The following COL4A2 variants were observed in gnomAD, a reference collection of about 807,000 sequenced individuals.
COL4A2 encodes collagen alpha-2(IV) chain.
In COL4A2, 99 loss-of-function variants were observed where a neutral mutation model predicts 200.2. The observed-to-expected ratio is 0.49, with a 90% confidence interval of 0.42 to 0.58. The LOEUF (loss-of-function observed/expected upper bound fraction) is 0.58, where lower values mean the gene tolerates loss of function less well. Among genes scored for constraint, COL4A2 ranks in the 20% least tolerant of loss-of-function variants. The pLI, the probability that COL4A2 is intolerant of heterozygous loss-of-function variation, is 0.00. For synonymous variants in COL4A2, 897 were observed against 900.6 expected (o/e 1.00, Z 0.07); for missense variants, 1,950 against 2,314.1 (o/e 0.84, Z 3.23).
chr13:110,316,989 A>G (rs1885146724), intron 3 of COL4A2, among the ~76,000 whole-genome samples: 1 of 152,142 alleles, frequency 6.6e-6, no homozygotes, highest in Admixed American at 6.6e-5. Flanking sequence ...ACACACATAC[A>G]TATGCACCCT....
intron 11 of COL4A2, among the ~76,000 whole-genome samples, chr13:110,432,924 G>C (rs1420991636): frequency 2.6e-5 from 4 of 152,258 alleles, no homozygotes; most frequent in Admixed American, 2.6e-4. Flanking sequence ...AAACTCGGAG[G>C]ACAGAACTAG....
intron 30 of COL4A2, 26 bp downstream of exon 30, chr13:110,478,190 G>C (rs371116345): frequency 7.8e-6 from 12 of 1,535,358 alleles, no homozygotes; most frequent in Non-Finnish European, 1.1e-5. Context: ...TCCCATAAAC[G>C]AGTGGGGTCC....
rs764883197 is a variant in COL4A2, at chr13:110,465,539, C to T, written c.1911C>T (p.Asp637=). The T allele has an allele frequency of 1.2e-5, 19 of 1,613,864 alleles. No individual in the cohort carries two copies. Among genetic ancestry groups the T allele is most frequent in the East Asian group, 2.2e-5 (1 of 44,888 alleles). ...GLKGQRGFPG[D]AGLPGPPGFL... is the part of the protein sequence containing the mutation. ...AAGGCCAACGTGGTTTCCCTGGAGA[C>T]GCCGGCTTACCTGGACCACCAGGCT... is the stretch of plus-strand genomic sequence containing the variant. The change falls in exon 25 of 48, where the codon GAC becomes GAT. Residue 637 remains aspartate (D), a synonymous_variant. Transcript: ENST00000360467.
intron 4 of COL4A2, among the ~76,000 whole-genome samples, chr13:110,394,000 T>G (rs1156274252): frequency 1.3e-5 from 2 of 152,196 alleles, no homozygotes; most frequent in African/African-American, 4.8e-5. Context: ...CCATACCCCC[T>G]GCCACTATAT....
chr13:110,378,792 G>A (rs1878346272), intron 4 of COL4A2, among the ~76,000 whole-genome samples: 1 of 152,162 alleles, frequency 6.6e-6, no homozygotes, highest in Non-Finnish European at 1.5e-5. Context: ...AATGTTCCCA[G>A]TCTGACCTAG....
intron 16 of COL4A2, among the ~76,000 whole-genome samples, chr13:110,440,415 T>C (rs527877290): frequency 2.0e-5 from 3 of 152,148 alleles, no homozygotes; most frequent in South Asian, 2.1e-4. Flanking sequence ...CTGACCAACA[T>C]GGTGAAACCC....
At position 110,501,802 on chromosome 13, in the gene COL4A2, A is replaced by T; in HGVS notation, c.3877+18A>T. 1 of 1,609,486 alleles carries T rather than the reference A, an allele frequency of 6.2e-7. No homozygotes were observed. The highest frequency in any genetic ancestry group is 8.5e-7 in the Non-Finnish European group (1 of 1,176,822). On this transcript the variant is annotated intron_variant, in intron 41 of 47. Coordinates refer to ENST00000360467, the MANE Select transcript of COL4A2 (RefSeq NM_001846.4). ...CCTGAAAGGTAAGCAGGACTTATAC[A>T]TCTGTGCTTCGACATCTCTAGGGGC...
rs559469510 is a variant in COL4A2 at position 110,403,256 on chromosome 13, T to A, written c.181-21478T>A. On this transcript the variant is annotated intron_variant, in intron 4 of 47. Coordinates refer to ENST00000360467, the MANE Select transcript of COL4A2 (RefSeq NM_001846.4). The stretch of plus-strand genomic sequence containing the variant: ...AAGAATTTTCTAAATCTTTCAGTTC[T>A]GCTCTCTGTTTCTTGATAAATTCCA... Among the ~76,000 whole-genome samples the A allele has an allele frequency of 2.6e-5, 4 of 152,382 alleles. No homozygotes were observed. The East Asian group carries it at 7.7e-4, about 29-fold the overall frequency.
chr13:110,472,887 A>G (rs1295907070), intron 28 of COL4A2, 42 bp from the exon 29 acceptor site: 3 of 1,530,348 alleles, frequency 2.0e-6, no homozygotes, highest in East Asian at 4.9e-5. Flanking sequence ...GAACGTCACC[A>G]TGCTAACTTG....
intron 3 of COL4A2, among the ~76,000 whole-genome samples, chr13:110,349,921 G>A (rs1304887725): frequency 6.6e-6 from 1 of 152,002 alleles, no homozygotes; most frequent in Admixed American, 6.6e-5. Flanking sequence ...GAGCCACCAT[G>A]TCCAGCTAAT....
intron 30 of COL4A2, among the ~76,000 whole-genome samples, chr13:110,479,325 C>T (rs1487911052): frequency 5.6e-5 from 2 of 35,416 alleles, no homozygotes; most frequent in Non-Finnish European, 1.2e-4. Context: ...GCCACGCGGT[C>T]CCCGGTGACC....
intron 15 of COL4A2, 140 bp downstream of exon 15, chr13:110,438,808 C>CT: frequency 5.0e-6 from 3 of 603,684 alleles, no homozygotes; most frequent in South Asian, 1.8e-5. Context: ...CCCCACCCCC[C>CT]CCCACACACA....
chr13:110,387,255 TA>T (rs139018080), intron 4 of COL4A2, among the ~76,000 whole-genome samples: 4 of 151,258 alleles, frequency 2.6e-5, no homozygotes, highest in South Asian at 2.1e-4. Flanking sequence ...GTAATAATAA[TA>T]AAAAAAAGGA....
At chr13:110,510,736 G>C (rs946431004) in intron 47 of COL4A2, among the ~76,000 whole-genome samples, 1 of 152,226 alleles carries the variant, frequency 6.6e-6, no homozygotes, top group Non-Finnish European at 1.5e-5. Flanking sequence ...TACCTGGCTG[G>C]TGCCAGCCTC....
chr13:110,352,708 C>A (rs1374971693), intron 3 of COL4A2, among the ~76,000 whole-genome samples: 1 of 152,172 alleles, frequency 6.6e-6, no homozygotes. Context: ...GTCCCGAGTT[C>A]CCTGGGTGGG....
At chr13:110,451,295 C>A (rs574016187) in intron 20 of COL4A2, among the ~76,000 whole-genome samples, 1 of 152,200 alleles carries the variant, frequency 6.6e-6, no homozygotes, top group Non-Finnish European at 1.5e-5. Flanking sequence ...GGGCCACATG[C>A]GGCCCAGGAC....
At chr13:110,456,320 AAG>A (rs1441249706) in intron 20 of COL4A2, 1 of 227,838 alleles carries the variant, frequency 4.4e-6, no homozygotes, top group Non-Finnish European at 8.7e-6. Flanking sequence ...TAAGGCATGA[AAG>A]AGGAAACAGT....
intron 45 of COL4A2, among the ~76,000 whole-genome samples, chr13:110,505,986 G>A (rs796801321): frequency 3.3e-5 from 5 of 152,088 alleles, no homozygotes; most frequent in African/African-American, 1.2e-4. Context: ...AACAAAGTGT[G>A]GATCAAATCC....
At chr13:110,431,594 G>T (rs1308133443) in intron 10 of COL4A2, among the ~76,000 whole-genome samples, 1 of 152,138 alleles carries the variant, frequency 6.6e-6, no homozygotes, top group Non-Finnish European at 1.5e-5. Context: ...AGGGTTATTG[G>T]CTTAGTCACG....
Sources: allele counts gnomAD v4.1 joint callset (sites outside exome capture counted in the v4.1 genomes callset), GRCh38; gene constraint gnomAD v4.1.1; transcripts MANE v1.5; gene names NCBI Gene and HGNC (gene_info 2026-07-23, HGNC 2026-07-21).